Variants in MTCL1 observed in about 807,000 individuals in gnomAD.
MTCL1 encodes the protein microtubule cross-linking factor 1.
MTCL1 carries 79 observed loss-of-function variants against 141.4 expected under a neutral mutation model. The ratio of observed to expected loss-of-function variants is 0.56; its 90% confidence interval spans 0.47 to 0.67. MTCL1 has a LOEUF of 0.67. MTCL1 is among the 30% of genes least tolerant of loss of function. The probability of loss-of-function intolerance (pLI) is 0.00; values close to 1 mark genes in which losing one functional copy is unlikely to be tolerated. For missense variants in MTCL1, 2,177 were observed against 2,113.9 expected (o/e 1.03, Z -0.59); for synonymous variants, 914 against 875.8 (o/e 1.04, Z -0.77).
chr18:8,728,069 G>A lies in MTCL1; in HGVS notation c.357+7573G>A, dbSNP rs993178899. Among the ~76,000 whole-genome samples the A allele has an allele frequency of 2.0e-5, 3 of 152,266 alleles. No individual in the cohort carries two copies. The South Asian group carries it at 6.2e-4, about 32-fold the overall frequency. On this transcript the variant is annotated intron_variant, in intron 4 of 16. Transcript: ENST00000359865. ...CTGTATTCTCCTCCTGAAGAATACA[G>A]CCATCTTAGAAAGCTTCAACTTTAA...
chr18:8,708,049 G>C (rs1402329512), intron 1 of MTCL1, among the ~76,000 whole-genome samples: 1 of 152,226 alleles, frequency 6.6e-6, no homozygotes. Context: ...TTACTCTTAG[G>C]TAATAGACAA....
At chr18:8,829,414 T>C in intron 16 of MTCL1, 3 of 984,548 alleles carry the variant, frequency 3.0e-6, no homozygotes, top group Non-Finnish European at 3.6e-6. Context: ...GCTTTTGTTT[T>C]TCATTTTTCA....
In MTCL1 at chr18:8,825,617, G is replaced by GGT; in HGVS notation, c.4109_4110dup (p.Ala1371TrpfsTer145). 1 of 1,613,890 alleles carries GGT rather than the reference G, an allele frequency of 6.2e-7. No individual in the cohort carries two copies. On this transcript the variant is annotated frameshift_variant, in exon 15 of 17. Transcript: ENST00000359865. LOFTEE classifies it high-confidence loss of function. ...CTTCCCGGAGCCTTAGGAGCAGACA[G>GGT]GTGGCCCCTGCCATCGAGAAGGTGC...
At chr18:8,750,910 TTC>T (rs1437700283) in intron 4 of MTCL1, among the ~76,000 whole-genome samples, 1 of 152,164 alleles carries the variant, frequency 6.6e-6, no homozygotes, top group Non-Finnish European at 1.5e-5. Context: ...TGCAGTTGCC[TTC>T]TCTGGATGCG....
intron 5 of MTCL1, among the ~76,000 whole-genome samples, chr18:8,778,148 G>A (rs1259396087): frequency 6.6e-6 from 1 of 152,182 alleles, no homozygotes. Flanking sequence ...GTGTAAAACA[G>A]AATTAAGTGT....
chr18:8,791,739 C>G (rs2075733852), intron 7 of MTCL1, among the ~76,000 whole-genome samples: 1 of 151,898 alleles, frequency 6.6e-6, no homozygotes, highest in South Asian at 2.1e-4. Context: ...TTCAGAGAAC[C>G]CCAAACAATG....
intron 1 of MTCL1, among the ~76,000 whole-genome samples, chr18:8,708,791 G>C (rs1161262701): frequency 6.6e-6 from 1 of 152,216 alleles, no homozygotes; most frequent in Admixed American, 6.5e-5. Context: ...CAGTGTTTCA[G>C]TTGTGGGGAC....
chr18:8,799,246 G>A (rs1244633205), intron 10 of MTCL1, among the ~76,000 whole-genome samples: 1 of 152,238 alleles, frequency 6.6e-6, no homozygotes, highest in Non-Finnish European at 1.5e-5. Context: ...GAGCTCTAAT[G>A]GGAGCACGCT....
intron 11 of MTCL1, chr18:8,809,837 GA>G (rs2076422391): frequency 1.0e-5 from 5 of 494,364 alleles, no homozygotes; most frequent in Non-Finnish European, 1.8e-5. Context: ...ACTGGGACTT[GA>G]AAAGGGCTGG....
At chr18:8,775,397 C>G (rs1459242797) in intron 4 of MTCL1, among the ~76,000 whole-genome samples, 2 of 143,026 alleles carry the variant, frequency 1.4e-5, no homozygotes, top group African/African-American at 5.4e-5. Context: ...ATGGTGAAAC[C>G]TCGTCTCTAC....
chr18:8,726,447 A>G (rs527923717), intron 4 of MTCL1, among the ~76,000 whole-genome samples: 1 of 150,320 alleles, frequency 6.7e-6, no homozygotes, highest in South Asian at 2.1e-4. Context: ...TTCACATGGC[A>G]GAGAGCATGA....
intron 10 of MTCL1, 127 bp from the exon 10 acceptor site, chr18:8,806,766 C>G: frequency 1.2e-6 from 1 of 836,202 alleles, no homozygotes; most frequent in Admixed American, 2.5e-5. Context: ...CCCACCCACC[C>G]TGCACCCACT....
At chr18:8,774,278 T>TGTGTGTGTGTA (rs1568007976) in intron 4 of MTCL1, among the ~76,000 whole-genome samples, 1 of 101,032 alleles carries the variant, frequency 9.9e-6, no homozygotes, top group Non-Finnish European at 2.1e-5. Context: ...GTGTGTGTAT[T>TGTGTGTGTGTA]TTTTTTTAAG....
At chr18:8,715,315 T>C (rs1311809370), upstream of MTCL1, among the ~76,000 whole-genome samples, 1 of 152,206 alleles carries the variant, frequency 6.6e-6, no homozygotes, top group African/African-American at 2.4e-5. Flanking sequence ...ATTTTATACC[T>C]GGAAGCTGTA....
rs1245262437 is a variant in MTCL1, at chr18:8,828,931, C to T, written c.4746C>T (p.Ala1582=). The stretch of plus-strand genomic sequence containing the variant: ...AGAACCAAACTGTCTTGCTAACTGC[C>T]CCCTGGGGACTCTAGCCCTGCCCGC... Residue 1582 remains alanine, a synonymous_variant, in exon 16 of 17, where the codon GCC becomes GCT. Coordinates refer to ENST00000359865, the Ensembl canonical transcript of MTCL1. This position sits in a 1 kb window ranked among gnomAD's most constrained non-coding sequence, Gnocchi z 5.2. The T allele has an allele frequency of 6.2e-7, 1 of 1,614,218 alleles. No individual in the cohort carries two copies. The highest frequency in any genetic ancestry group is 2.2e-5 in the East Asian group (1 of 44,882).
chr18:8,717,126 TGCTGCTC>T (rs2096133735), upstream of MTCL1, among the ~76,000 whole-genome samples: 1 of 145,354 alleles, frequency 6.9e-6, no homozygotes, highest in Non-Finnish European at 1.6e-5. Context: ...GTGTGCTCCA[TGCTGCTC>T]GGGATGCAGA....
chr18:8,812,925 C>T, intron 11 of MTCL1, 54 bp from the exon 11 acceptor site: 1 of 1,564,300 alleles, frequency 6.4e-7, no homozygotes, highest in Non-Finnish European at 8.7e-7. Context: ...AGACTTCATC[C>T]TTGAATGCAA....
At chr18:8,765,453 A>T (rs553514248) in intron 4 of MTCL1, among the ~76,000 whole-genome samples, 9 of 152,294 alleles carry the variant, frequency 5.9e-5, no homozygotes, top group Non-Finnish European at 1.0e-4. Flanking sequence ...CAGCTGTGAT[A>T]TGGGCAAGCA....
chr18:8,733,778 G>A (rs2096263090), intron 4 of MTCL1, among the ~76,000 whole-genome samples: 1 of 152,184 alleles, frequency 6.6e-6, no homozygotes, highest in Admixed American at 6.5e-5. Flanking sequence ...CCTCGCAGGT[G>A]GGAGTGGGCC....
Sources: allele counts gnomAD v4.1 joint callset (sites outside exome capture counted in the v4.1 genomes callset), GRCh38; gene constraint gnomAD v4.1.1; non-coding constraint Gnocchi (gnomAD v3.1); transcripts MANE v1.5; gene names NCBI Gene and HGNC (gene_info 2026-07-23, HGNC 2026-07-21).